SAMD5: variants seen among roughly 807,000 people sequenced by gnomAD.
The protein encoded by SAMD5 is sterile alpha motif domain-containing protein 5.
A neutral mutation model predicts 11.3 loss-of-function variants in SAMD5; 13 were observed. The ratio of observed to expected loss-of-function variants is 1.15; its 90% CI spans 0.75 to 1.83. The LOEUF (loss-of-function observed/expected upper bound fraction) is 1.83. SAMD5 is among the 40% of genes most tolerant of loss of function. The pLI is 0.00. For missense variants in SAMD5, 255 were observed against 239.1 expected (o/e 1.07, Z -0.44); for synonymous variants, 129 against 111.3 (o/e 1.16, Z -1.00).
At chr6:147,846,108 GA>G in the SAMD5 span, among the ~76,000 whole-genome samples, 379 of 141,510 alleles carry the variant, frequency 2.7e-3, 1 homozygote, top group African/African-American at 7.9e-3. Context: ...TATGCTGAGT[GA>G]AAAAAAAAAA....
chr6:147,940,527 C>T, the SAMD5 span, among the ~76,000 whole-genome samples: 37 of 152,198 alleles, frequency 2.4e-4, no homozygotes, highest in Non-Finnish European at 1.5e-5. Flanking sequence ...CATGAAGGAA[C>T]TTTAATCTTG....
chr6:147,727,764 G>A (rs891700647), intron 1 of SAMD5, among the ~76,000 whole-genome samples: 1 of 152,074 alleles, frequency 6.6e-6, no homozygotes, highest in Non-Finnish European at 1.5e-5. Flanking sequence ...CTAATGGCGG[G>A]AGTCATGTAT....
At chr6:147,805,857 A>G in the SAMD5 span, among the ~76,000 whole-genome samples, 2 of 152,160 alleles carry the variant, frequency 1.3e-5, no homozygotes, top group African/African-American at 2.4e-5. Context: ...GGCTTCATCA[A>G]TGGGAGGAGG....
chr6:147,823,042 C>G, the SAMD5 span, among the ~76,000 whole-genome samples: 5 of 152,166 alleles, frequency 3.3e-5, no homozygotes, highest in African/African-American at 1.2e-4. Flanking sequence ...GTCTCGAACT[C>G]CTGACCTCAA....
At chr6:147,952,140 A>C in the SAMD5 span, among the ~76,000 whole-genome samples, 1 of 152,310 alleles carries the variant, frequency 6.6e-6, no homozygotes, top group Admixed American at 6.5e-5. Context: ...TAATCAGTCC[A>C]AAAAGATGAA....
the SAMD5 span, among the ~76,000 whole-genome samples, chr6:147,753,980 T>G: frequency 6.6e-6 from 1 of 152,188 alleles, no homozygotes; most frequent in African/African-American, 2.4e-5. Context: ...TTCCTGATCT[T>G]AGGTATTGTA....
At chr6:147,938,254 AT>A in the SAMD5 span, among the ~76,000 whole-genome samples, 34,415 of 151,826 alleles carry the variant, frequency 0.23, 4,420 homozygotes, top group African/African-American at 0.34. Context: ...GGAGGGAAAC[AT>A]TTTTTTTGTT....
At chr6:147,645,162 G>A (rs73008148) in intron 1 of SAMD5, among the ~76,000 whole-genome samples, 6,706 of 152,246 alleles carry the variant, frequency 0.044, 173 homozygotes, top group South Asian at 0.054. Context: ...AACCCCACAC[G>A]ACAGGACATC....
chr6:147,674,906 A>C (rs1790842540), intron 1 of SAMD5, among the ~76,000 whole-genome samples: 1 of 152,186 alleles, frequency 6.6e-6, no homozygotes, highest in East Asian at 1.9e-4. Flanking sequence ...TGATTCACAA[A>C]CTAAGGTATT....
intron 1 of SAMD5, among the ~76,000 whole-genome samples, chr6:147,735,128 C>A (rs1222213728): frequency 1.3e-5 from 2 of 152,084 alleles, no homozygotes; most frequent in African/African-American, 2.4e-5. Context: ...TTGAAAGATT[C>A]TTTTCTTCTT....
At chr6:147,720,543 C>A (rs1451880290) in intron 1 of SAMD5, among the ~76,000 whole-genome samples, 137 of 151,754 alleles carry the variant, frequency 9.0e-4, no homozygotes, top group Non-Finnish European at 1.2e-4. Context: ...AGAAACGATA[C>A]CAAAGGAGAA....
chr6:147,794,295 G>A, the SAMD5 span, among the ~76,000 whole-genome samples: 1 of 152,222 alleles, frequency 6.6e-6, no homozygotes, highest in African/African-American at 2.4e-5. Flanking sequence ...TATGTTTAGA[G>A]CTTCAAAAGT....
chr6:147,644,676 A>T (rs917239213), intron 1 of SAMD5, among the ~76,000 whole-genome samples: 3 of 152,202 alleles, frequency 2.0e-5, no homozygotes, highest in Non-Finnish European at 2.9e-5. Flanking sequence ...TTGATTGAAA[A>T]CATTGATTTT....
At chr6:147,636,845 A>G (rs955262784) in intron 1 of SAMD5, among the ~76,000 whole-genome samples, 1 of 152,212 alleles carries the variant, frequency 6.6e-6, no homozygotes, top group Non-Finnish European at 1.5e-5. Flanking sequence ...ACTGCTACCT[A>G]CTATTGTATT....
intron 1 of SAMD5, among the ~76,000 whole-genome samples, chr6:147,679,350 A>G (rs1157609633): frequency 1.3e-5 from 2 of 152,122 alleles, no homozygotes; most frequent in Admixed American, 6.5e-5. Context: ...AGAAACTCAA[A>G]TAAGTTTGTA....
intron 1 of SAMD5, among the ~76,000 whole-genome samples, chr6:147,525,861 A>C (rs1448980721): frequency 6.6e-6 from 1 of 152,180 alleles, no homozygotes; most frequent in Non-Finnish European, 1.5e-5. Flanking sequence ...AGCACAACCA[A>C]GAAAGCCAGC....
At chr6:147,743,083 G>T in the SAMD5 span, 1 of 152,140 alleles carries the variant, frequency 6.6e-6, no homozygotes, top group Admixed American at 6.5e-5. Flanking sequence ...ATTTATGAAA[G>T]TAATCTGAGC....
chr6:147,604,956 G>A (rs1309669874), intron 1 of SAMD5, among the ~76,000 whole-genome samples: 1 of 152,064 alleles, frequency 6.6e-6, no homozygotes, highest in African/African-American at 2.4e-5. Context: ...TCTTAAGTGT[G>A]GCCATTGATT....
intron 1 of SAMD5, among the ~76,000 whole-genome samples, chr6:147,511,117 AGT>A (rs1383904701): frequency 2.6e-5 from 4 of 152,236 alleles, no homozygotes; most frequent in African/African-American, 4.8e-5. Flanking sequence ...CAGAGAGCAA[AGT>A]GTGTCACTAG....
Sources: allele counts gnomAD v4.1 joint callset (sites outside exome capture counted in the v4.1 genomes callset), GRCh38; gene constraint gnomAD v4.1.1; transcripts MANE v1.5; gene names NCBI Gene and HGNC (gene_info 2026-07-23, HGNC 2026-07-21).